PKD1L3: variants seen among roughly 807,000 people sequenced by gnomAD.
PKD1L3 encodes the protein polycystin 1 like 3, transient receptor potential channel interacting, also known as polycystin-1-like protein 3.
PKD1L3 carries 239 observed loss-of-function variants against 184.1 expected under a neutral mutation model. The observed-to-expected ratio is 1.30, with a 90% confidence interval of 1.17 to 1.45. The LOEUF is 1.45. Among genes scored for constraint, PKD1L3 ranks in the 40% most tolerant of loss-of-function variants. PKD1L3 has a pLI of 0.00. For missense variants in PKD1L3, 2,660 were observed against 2,067.2 expected, an observed-to-expected ratio of 1.29 and a Z score of -5.56; for synonymous variants, 996 against 778.8, an observed-to-expected ratio of 1.28 and a Z score of -4.64.
intron 24 of PKD1L3, among the ~76,000 whole-genome samples, chr16:71,941,583 T>G (rs1164361968): frequency 2.9e-4 from 4 of 13,824 alleles, no homozygotes; most frequent in African/African-American, 6.2e-4. Context: ...ATGACATTCT[T>G]TTTTTTTTTT....
intron 19 of PKD1L3, 33 bp downstream of exon 19, chr16:71,951,531 G>T: frequency 6.5e-7 from 1 of 1,527,524 alleles, no homozygotes; most frequent in Non-Finnish European, 8.8e-7. Context: ...GAGGCAGATG[G>T]AAGATTCGTT....
At position 71,943,217 on chromosome 16, in the gene PKD1L3, A is replaced by C. The variant is rs151210393; in HGVS notation, c.3860-193T>G. 2.5e-3 allele frequency among the ~76,000 whole-genome samples: 375 copies of C among 152,176 alleles called. 1 individual carries two copies. The highest frequency in any genetic ancestry group is 4.3e-3 in the Non-Finnish European group (293 of 68,002). On this transcript the variant is annotated intron_variant, in intron 23 of 29. Coordinates refer to ENST00000620267, the MANE Select transcript of PKD1L3 (RefSeq NM_181536.2). The stretch of plus-strand genomic sequence containing the variant: ...TCCTTCCCAGAATTATTCTGCCACT[A>C]ATGATACATTTTACTTAAAATAAGA...
At chr16:71,964,025 G>C (rs962268965) in intron 15 of PKD1L3, among the ~76,000 whole-genome samples, 10 of 151,972 alleles carry the variant, frequency 6.6e-5, no homozygotes, top group Non-Finnish European at 1.5e-4. Flanking sequence ...TTACATTAAT[G>C]ACTTCTCACT....
Position 71,999,675 on chromosome 16 carries a change from G to T in PKD1L3, c.295+9C>A. On this transcript the variant is annotated intron_variant, in intron 1 of 29. Coordinates refer to ENST00000620267, the MANE Select transcript of PKD1L3 (RefSeq NM_181536.2). ...TTTCCTTCATAAACACTGAACCCCAGGGTCTTACCTGGGTATTTGTTGTCT... is the reference window on the plus strand; with the variant it reads ...TTTCCTTCATAAACACTGAACCCCATGGTCTTACCTGGGTATTTGTTGTCT... 1 of 1,519,670 alleles carries T rather than the reference G, an allele frequency of 6.6e-7. No homozygotes were observed. 94.1% of individuals were successfully genotyped at this position (1,519,670 alleles called of 1,614,324 possible).
chr16:71,950,329 T>G lies in PKD1L3; in HGVS notation c.3191-19A>C. ...GGAACAACTGAAAATATATTTCAAGTTGACACTTTCACAAGTGGATTTCAA... is the reference window on the plus strand; with the variant it reads ...GGAACAACTGAAAATATATTTCAAGGTGACACTTTCACAAGTGGATTTCAA... On this transcript the variant is annotated intron_variant, in intron 19 of 29. Coordinates refer to ENST00000620267, the MANE Select transcript of PKD1L3 (RefSeq NM_181536.2). The G allele has an allele frequency of 6.7e-7, 1 of 1,503,626 alleles. No homozygotes were observed. The highest frequency in any genetic ancestry group is 8.9e-7 in the Non-Finnish European group (1 of 1,118,636). The allele number at this position is 1,503,626 out of a possible 1,614,324, so 93.1% of individuals were successfully genotyped here. A position where few individuals can be genotyped will look rare whatever the true frequency, so the allele number is the denominator to read the frequency against.
chr16:71,991,381 A>G (rs1367437258), intron 3 of PKD1L3: 1 of 175,372 alleles, frequency 5.7e-6, no homozygotes, highest in African/African-American at 2.4e-5. Context: ...TCCTAAGGAT[A>G]ACCACTTGAA....
At chr16:71,968,576 T>C (rs1355535596) in intron 13 of PKD1L3, among the ~76,000 whole-genome samples, 1 of 152,158 alleles carries the variant, frequency 6.6e-6, no homozygotes, top group African/African-American at 2.4e-5. Context: ...ACATGCCATA[T>C]AAATTTCTTG....
intron 25 of PKD1L3, among the ~76,000 whole-genome samples, chr16:71,936,097 A>C (rs1055479100): frequency 2.0e-5 from 3 of 152,036 alleles, no homozygotes; most frequent in African/African-American, 7.2e-5. Flanking sequence ...TGCCCAGCAA[A>C]AATTTCTAAA....
At chr16:71,998,968 A>G (rs1361798118) in intron 1 of PKD1L3, among the ~76,000 whole-genome samples, 1 of 152,140 alleles carries the variant, frequency 6.6e-6, no homozygotes, top group East Asian at 1.9e-4. Flanking sequence ...TATGGTGCAT[A>G]ACTTTGAAAA....
Position 71,993,285 on chromosome 16 carries a change from A to C in PKD1L3, c.466T>G (p.Ser156Ala). 1 of 1,550,078 alleles carries C rather than the reference A, an allele frequency of 6.5e-7. No homozygotes were observed. The highest frequency in any genetic ancestry group is 1.2e-5 in the South Asian group (1 of 83,744). Residue 156 changes from serine to alanine, a missense_variant, in exon 3 of 30, where the codon TCC (serine) becomes GCC (alanine). Coordinates refer to ENST00000620267, the MANE Select transcript of PKD1L3 (RefSeq NM_181536.2). ...TTCTTGTGTCTCTGGTACAAATGGG[A>C]ATTATTTCCATTTCTTTCATAATGG... ...DAHYERNGNN[S>A]HLYQRHKKTK...
chr16:71,979,720 CA>C lies in PKD1L3; in HGVS notation c.1398+65del, dbSNP rs2040074326. The stretch of plus-strand genomic sequence containing the variant: ...TTTACATTTCATGATACATTACTTT[CA>C]CCCAAATGCCTACATGGCCATCAGA... On this transcript the variant is annotated intron_variant, in intron 9 of 29. Coordinates refer to ENST00000620267, the MANE Select transcript of PKD1L3 (RefSeq NM_181536.2). 4.1e-6 allele frequency: 6 copies of C among 1,446,654 alleles called. No individual in the cohort carries two copies. The Middle Eastern group carries it at 7.2e-4, about 174-fold the overall frequency. 89.6% of individuals were successfully genotyped at this position (1,446,654 alleles called of 1,614,324 possible).
chr16:71,939,180 C>A (rs1428320234), intron 24 of PKD1L3, among the ~76,000 whole-genome samples: 1 of 152,242 alleles, frequency 6.6e-6, no homozygotes, highest in Non-Finnish European at 1.5e-5. Flanking sequence ...GGAGCCGGCA[C>A]CTGTGCCAGC....
intron 5 of PKD1L3, among the ~76,000 whole-genome samples, chr16:71,984,446 G>A (rs1567545744): frequency 6.6e-6 from 1 of 152,352 alleles, no homozygotes; most frequent in African/African-American, 2.4e-5. Context: ...GTAACTTTAA[G>A]TGTTAAGGCC....
Position 71,933,936 on chromosome 16 carries a change from CAGG to C in PKD1L3, c.4800_4802del (p.Ile1600_Leu1601delinsMet). Reference sequence around the variant, plus strand: ...TTACGGCAATGGCATAGCCTGTCAGCAGGATTAGGATGATCAGCAGAAAGCCCA... The same window carrying C: ...TTACGGCAATGGCATAGCCTGTCAGCATTAGGATGATCAGCAGAAAGCCCA... On this transcript the variant is annotated inframe_deletion, in exon 27 of 30. Coordinates refer to ENST00000620267, the MANE Select transcript of PKD1L3 (RefSeq NM_181536.2). 4.5e-6 allele frequency: 7 copies of C among 1,551,356 alleles called. No homozygotes were observed. The highest frequency in any genetic ancestry group is 6.1e-6 in the Non-Finnish European group (7 of 1,146,882).
Position 71,935,302 on chromosome 16 carries a change from C to T in PKD1L3, c.4613+56G>A, listed in dbSNP as rs981332244. 6.1e-6 allele frequency: 9 copies of T among 1,486,146 alleles called. No homozygotes were observed. In the African/African-American group the frequency reaches 1.1e-4, roughly 19 times the overall value. 92.1% of individuals were successfully genotyped at this position (1,486,146 alleles called of 1,614,324 possible). ...AGTTTGAAGAATACTTGTGTATAAA[C>T]AGGAAACTTTAGACATGAGGTAGGA... is the stretch of plus-strand genomic sequence containing the variant. On this transcript the variant is annotated intron_variant, in intron 26 of 29. Transcript: ENST00000620267.
At chr16:71,938,301 T>C (rs2038248283) in intron 24 of PKD1L3, among the ~76,000 whole-genome samples, 1 of 152,218 alleles carries the variant, frequency 6.6e-6, no homozygotes, top group South Asian at 2.1e-4. Flanking sequence ...GCCTCGGCCT[T>C]CTCCGAACTT....
chr16:71,936,970 A>G (rs1300669070), intron 25 of PKD1L3, among the ~76,000 whole-genome samples: 1 of 152,236 alleles, frequency 6.6e-6, no homozygotes, highest in Non-Finnish European at 1.5e-5. Context: ...GACCAAAATT[A>G]TAGCCATAAT....
At chr16:71,938,306 G>C (rs74027716) in intron 24 of PKD1L3, among the ~76,000 whole-genome samples, 11,400 of 152,320 alleles carry the variant, frequency 0.075, 1,390 homozygotes, top group African/African-American at 0.26. Context: ...GGCCTTCTCC[G>C]AACTTTGGAC....
chr16:71,979,641 G>A (rs2040071757), intron 9 of PKD1L3, 145 bp downstream of exon 9: 17 of 1,018,056 alleles, frequency 1.7e-5, no homozygotes, highest in African/African-American at 5.0e-5. Context: ...CCCTGCCAGT[G>A]TAAAATAAAA....
Sources: allele counts gnomAD v4.1 joint callset (sites outside exome capture counted in the v4.1 genomes callset), GRCh38; gene constraint gnomAD v4.1.1; transcripts MANE v1.5; gene names NCBI Gene and HGNC (gene_info 2026-07-23, HGNC 2026-07-21).